Variants in RGS6 observed in about 807,000 individuals in gnomAD.
RGS6 encodes the protein regulator of G protein signaling 6.
A neutral mutation model predicts 78.5 loss-of-function variants in RGS6; 30 were observed. The ratio of observed to expected loss-of-function variants is 0.38; its 90% CI spans 0.29 to 0.52. RGS6 has a LOEUF of 0.52. Ranked by LOEUF, RGS6 falls within the 20% of genes least tolerant of loss-of-function variation. The probability of loss-of-function intolerance (pLI) is 0.85; values close to 1 mark genes in which losing one functional copy is unlikely to be tolerated. For synonymous variants in RGS6, 206 were observed against 206.0 expected (o/e 1.00, Z 0.00); for missense variants, 495 against 609.7 (o/e 0.81, Z 1.98).
At chr14:71,924,365 G>A in the RGS6 span, among the ~76,000 whole-genome samples, 25 of 152,026 alleles carry the variant, frequency 1.6e-4, no homozygotes, top group Admixed American at 1.4e-3. Context: ...TAACATTTCC[G>A]TCACTTACCT....
intron 2 of RGS6, among the ~76,000 whole-genome samples, chr14:72,045,567 T>C (rs1319597758): frequency 3.3e-5 from 5 of 152,172 alleles, no homozygotes; most frequent in African/African-American, 1.2e-4. Flanking sequence ...TAATCTGTTA[T>C]TTTACTGGTG....
intron 2 of RGS6, among the ~76,000 whole-genome samples, chr14:72,278,132 T>G (rs2153943089): frequency 6.6e-6 from 1 of 152,184 alleles, no homozygotes; most frequent in Non-Finnish European, 1.5e-5. Flanking sequence ...AGAGAGGGGC[T>G]TTACAGATTA....
chr14:72,595,500 G>A, the RGS6 span, among the ~76,000 whole-genome samples: 1 of 151,778 alleles, frequency 6.6e-6, no homozygotes, highest in Non-Finnish European at 1.5e-5. Context: ...CTTAGCCCCA[G>A]GAATACAATG....
At chr14:72,404,086 G>C (rs901025343) in intron 3 of RGS6, among the ~76,000 whole-genome samples, 3 of 152,226 alleles carry the variant, frequency 2.0e-5, no homozygotes, top group African/African-American at 7.2e-5. Context: ...GTCATGCACA[G>C]TGTTTACTAG....
chr14:72,477,197 CTACTT>C (rs2096261509), intron 11 of RGS6: 1 of 199,032 alleles, frequency 5.0e-6, no homozygotes. Flanking sequence ...TCAGGATGGT[CTACTT>C]TATTGCTGTG....
intron 3 of RGS6, among the ~76,000 whole-genome samples, chr14:72,400,351 A>T (rs559302591): frequency 1.6e-4 from 25 of 152,362 alleles, no homozygotes; most frequent in African/African-American, 6.0e-4. Context: ...TCACTTTTAT[A>T]TAGTATCAGT....
At chr14:72,622,669 C>G in the RGS6 span, among the ~76,000 whole-genome samples, 2 of 152,014 alleles carry the variant, frequency 1.3e-5, no homozygotes, top group Non-Finnish European at 2.9e-5. Flanking sequence ...CTTCCACCAC[C>G]AAGAGCCCCC....
intron 3 of RGS6, among the ~76,000 whole-genome samples, chr14:72,423,102 A>C (rs2094273640): frequency 6.6e-6 from 1 of 152,192 alleles, no homozygotes; most frequent in African/African-American, 2.4e-5. Flanking sequence ...GTCACGTGGG[A>C]GGTAGTTTAG....
At chr14:72,571,747 G>GTTT in the RGS6 span, among the ~76,000 whole-genome samples, 9 of 152,134 alleles carry the variant, frequency 5.9e-5, no homozygotes, top group African/African-American at 2.2e-4. Context: ...CACGATCTTG[G>GTTT]ATTGGGCAAT....
intron 3 of RGS6, among the ~76,000 whole-genome samples, chr14:72,427,982 G>A (rs1483475817): frequency 6.6e-6 from 1 of 152,206 alleles, no homozygotes; most frequent in African/African-American, 2.4e-5. Context: ...TTAGGTGGCA[G>A]AGGTGGGAGC....
the RGS6 span, chr14:72,620,074 C>G: frequency 7.4e-7 from 1 of 1,348,972 alleles, no homozygotes; most frequent in Non-Finnish European, 9.9e-7. Flanking sequence ...GCCTTATTTC[C>G]ACGTCGGTCT....
chr14:72,163,239 A>G (rs1303500942), intron 2 of RGS6, among the ~76,000 whole-genome samples: 1 of 152,270 alleles, frequency 6.6e-6, no homozygotes, highest in African/African-American at 2.4e-5. Context: ...TAAAATCTTT[A>G]TAAGACTACT....
At chr14:72,065,604 A>G (rs116008418) in intron 2 of RGS6, among the ~76,000 whole-genome samples, 1,614 of 152,300 alleles carry the variant, frequency 0.011, 29 homozygotes, top group African/African-American at 0.036. Flanking sequence ...TAAAACAACA[A>G]TAACAGATCC....
chr14:72,425,120 A>G (rs1188117346), intron 3 of RGS6, among the ~76,000 whole-genome samples: 2 of 152,228 alleles, frequency 1.3e-5, no homozygotes, highest in East Asian at 3.8e-4. Context: ...CATAAAAGAA[A>G]GAATTGATGG....
At chr14:72,475,323 C>T (rs1466337460) in intron 10 of RGS6, among the ~76,000 whole-genome samples, 1 of 149,674 alleles carries the variant, frequency 6.7e-6, no homozygotes, top group Non-Finnish European at 1.5e-5. Flanking sequence ...GTAGTGGTCA[C>T]AGCATACCCG....
intron 2 of RGS6, among the ~76,000 whole-genome samples, chr14:72,324,025 C>G (rs539070404): frequency 1.3e-5 from 2 of 151,882 alleles, no homozygotes; most frequent in East Asian, 3.9e-4. Flanking sequence ...CACTCATTAC[C>G]TCTTTGTGTT....
the RGS6 span, among the ~76,000 whole-genome samples, chr14:71,877,303 C>A: frequency 6.6e-6 from 1 of 152,220 alleles, no homozygotes; most frequent in African/African-American, 2.4e-5. Context: ...CCGTCACTTT[C>A]AGGTACACCA....
At chr14:72,597,321 A>T in the RGS6 span, among the ~76,000 whole-genome samples, 135,536 of 152,226 alleles carry the variant, frequency 0.89, 60,467 homozygotes, top group Non-Finnish European at 0.92. Context: ...GAATATTATA[A>T]GAAATATGTT....
At chr14:72,063,935 C>A (rs2094011322) in intron 2 of RGS6, among the ~76,000 whole-genome samples, 2 of 152,076 alleles carry the variant, frequency 1.3e-5, no homozygotes, top group Admixed American at 1.3e-4. Flanking sequence ...GATTGCTGAG[C>A]AGAACTGAAA....
Sources: allele counts gnomAD v4.1 joint callset (sites outside exome capture counted in the v4.1 genomes callset), GRCh38; gene constraint gnomAD v4.1.1; transcripts MANE v1.5; gene names NCBI Gene and HGNC (gene_info 2026-07-23, HGNC 2026-07-21).